PDS5A: variants seen among roughly 807,000 people sequenced by gnomAD.
PDS5A encodes the protein PDS5 cohesin associated factor A.
In PDS5A, 42 loss-of-function variants were observed where a neutral mutation model predicts 167.1. The ratio of observed to expected loss-of-function variants is 0.25; its 90% CI spans 0.20 to 0.33. The LOEUF (loss-of-function observed/expected upper bound fraction) is 0.33. Among genes scored for constraint, PDS5A ranks in the 10% least tolerant of loss-of-function variants. The probability of loss-of-function intolerance (pLI) is 1.00; values close to 1 mark genes in which losing one functional copy is unlikely to be tolerated. For missense variants in PDS5A, 1,033 were observed against 1,605.9 expected, an observed-to-expected ratio of 0.64 and a Z score of 6.10; for synonymous variants, 553 against 554.6, an observed-to-expected ratio of 1.00 and a Z score of 0.04.
intron 9 of PDS5A, among the ~76,000 whole-genome samples, chr4:39,911,558 C>T (rs540400943): frequency 6.6e-6 from 1 of 151,982 alleles, no homozygotes; most frequent in Non-Finnish European, 1.5e-5. Flanking sequence ...GTTGGCCGGG[C>T]GCGGTGGCTC....
chr4:39,836,830 A>G lies in PDS5A; in HGVS notation c.4010+1026T>C, dbSNP rs191266141. On this transcript the variant is annotated intron_variant, in intron 32 of 32. Coordinates refer to ENST00000303538, the MANE Select transcript of PDS5A (RefSeq NM_001100399.2). ...AGTAACTTTTTTTTTTTTTTTTGAG[A>G]CACAGTCTCCTTCTGTCACCCAGGC... is the stretch of plus-strand genomic sequence containing the variant. 3.7e-3 allele frequency among the ~76,000 whole-genome samples: 506 copies of G among 138,286 alleles called. 3 individuals are homozygous for G. The highest frequency in any genetic ancestry group is 0.013 in the African/African-American group (489 of 37,738). 90.7% of individuals were successfully genotyped at this position (138,286 alleles called of 152,430 possible). A position where few individuals can be genotyped will look rare whatever the true frequency, so the allele number is the denominator to read the frequency against.
intron 22 of PDS5A, among the ~76,000 whole-genome samples, chr4:39,868,984 T>A (rs1719782214): frequency 1.3e-5 from 2 of 152,212 alleles, no homozygotes; most frequent in Non-Finnish European, 1.5e-5. Context: ...GGATTTAAGA[T>A]GCCTCTGAGC....
chr4:39,908,863 C>T (rs979644652), intron 10 of PDS5A: 11 of 204,910 alleles, frequency 5.4e-5, no homozygotes, highest in Non-Finnish European at 9.7e-5. Context: ...CCCGTCTCTA[C>T]GAAAATTACC....
At chr4:39,841,269 A>G (rs1387142234) in intron 31 of PDS5A, among the ~76,000 whole-genome samples, 1 of 151,414 alleles carries the variant, frequency 6.6e-6, no homozygotes, top group African/African-American at 2.4e-5. Context: ...CCTCCTGAGT[A>G]GCTGAGATTA....
intron 14 of PDS5A, among the ~76,000 whole-genome samples, chr4:39,899,417 G>C (rs762115862): frequency 7.2e-5 from 11 of 152,270 alleles, no homozygotes; most frequent in East Asian, 3.9e-4. Flanking sequence ...GTTTTTGTTA[G>C]TAGTTTCGAT....
At chr4:39,842,904 T>C (rs1331888724) in intron 30 of PDS5A, among the ~76,000 whole-genome samples, 1 of 69,718 alleles carries the variant, frequency 1.4e-5, no homozygotes, top group East Asian at 4.3e-4. Context: ...AAACTTATCC[T>C]ATTTTTATAT....
In PDS5A at chr4:39,832,621, G is replaced by T. The variant is rs377041456; in HGVS notation, c.4010+5235C>A. 5.3e-5 allele frequency among the ~76,000 whole-genome samples: 8 copies of T among 152,156 alleles called. No homozygotes were observed. In the East Asian group the frequency reaches 1.4e-3, roughly 26 times the overall value. ...GTTTGAGGGCTGGGGCAGGAAGATT[G>T]CTTGGGGGCAGGAAGATTGCTTGAT... On this transcript the variant is annotated intron_variant, in intron 32 of 32. Coordinates refer to ENST00000303538, the MANE Select transcript of PDS5A (RefSeq NM_001100399.2).
chr4:39,874,798 CAGAA>C (rs930931961), intron 19 of PDS5A, among the ~76,000 whole-genome samples: 11 of 152,016 alleles, frequency 7.2e-5, no homozygotes, highest in African/African-American at 2.4e-4. Flanking sequence ...AAAGTAGCTA[CAGAA>C]AGAGAGTAGC....
In PDS5A at chr4:39,838,188, A is replaced by G; in HGVS notation, c.3678T>C (p.Ala1226=). The change falls in exon 32 of 33, where the codon GCT becomes GCC. Residue 1226 remains alanine (A), a synonymous_variant. Transcript: ENST00000303538. ...GGTCACTGCTGATGTTGCCCTGGGT[A>G]GCCTGATCAGAATTAATTTCCTAAA... ...VKNKEINSDQ[A]TQGNISSDRG... The G allele has an allele frequency of 6.3e-7, 1 of 1,581,466 alleles. No individual in the cohort carries two copies. The highest frequency in any genetic ancestry group is 2.2e-5 in the East Asian group (1 of 44,638).
At chr4:39,833,229 AAG>A (rs1035675080) in intron 32 of PDS5A, among the ~76,000 whole-genome samples, 7 of 144,658 alleles carry the variant, frequency 4.8e-5, no homozygotes, top group Non-Finnish European at 1.1e-4. Flanking sequence ...AAAAAGTTTG[AAG>A]AGAGTCCCTA....
At chr4:39,830,732 A>G (rs554583198) in intron 32 of PDS5A, among the ~76,000 whole-genome samples, 1 of 152,040 alleles carries the variant, frequency 6.6e-6, no homozygotes, top group South Asian at 2.1e-4. Flanking sequence ...GCCCATTTGA[A>G]CTAATTTTCA....
chr4:39,832,489 G>A (rs965886138), intron 32 of PDS5A, among the ~76,000 whole-genome samples: 1 of 151,964 alleles, frequency 6.6e-6, no homozygotes, highest in Non-Finnish European at 1.5e-5. Context: ...TTATAGGCAT[G>A]AGCCACCGTT....
chr4:39,909,909 AT>A, intron 10 of PDS5A, among the ~76,000 whole-genome samples: 2 of 152,294 alleles, frequency 1.3e-5, no homozygotes, highest in East Asian at 3.9e-4. Flanking sequence ...ACTTCCTTAA[AT>A]TATGATTTTC....
intron 3 of PDS5A, among the ~76,000 whole-genome samples, chr4:39,927,397 AGT>A (rs942958045): frequency 1.3e-5 from 2 of 152,210 alleles, no homozygotes; most frequent in Non-Finnish European, 2.9e-5. Flanking sequence ...AACTCACAGT[AGT>A]ATCAATATAA....
rs1720278246 is a variant in PDS5A, at chr4:39,874,152, C to T, written c.2277+137G>A. 10 of 628,376 alleles carry T rather than the reference C, an allele frequency of 1.6e-5. No homozygotes were observed. In the South Asian group the frequency reaches 2.1e-4, roughly 13 times the overall value. The allele number at this position is 628,376 out of a possible 1,614,324, so 38.9% of individuals were successfully genotyped here. On this transcript the variant is annotated intron_variant, in intron 20 of 32. Transcript: ENST00000303538. ...CAGTACCACATAAAATAGACAGAAT[C>T]CTTGCTCACAAGGAATTTATAGTCT... is the stretch of plus-strand genomic sequence containing the variant.
intron 24 of PDS5A, 125 bp from the exon 25 acceptor site, chr4:39,863,198 T>C (rs1719143897): frequency 2.1e-6 from 2 of 936,284 alleles, no homozygotes; most frequent in South Asian, 1.7e-5. Flanking sequence ...AATGTAATAA[T>C]TGGAAGACAG....
chr4:39,862,678 C>T (rs1304315033), intron 25 of PDS5A, among the ~76,000 whole-genome samples, 191 bp downstream of exon 25: 1 of 151,996 alleles, frequency 6.6e-6, no homozygotes, highest in African/African-American at 2.4e-5. Flanking sequence ...TGCAGTTTGC[C>T]AGAGTTAATG....
intron 19 of PDS5A, among the ~76,000 whole-genome samples, chr4:39,874,918 A>G (rs1292725846): frequency 2.6e-5 from 4 of 152,196 alleles, no homozygotes; most frequent in African/African-American, 9.6e-5. Flanking sequence ...ATATCTAACT[A>G]TTATGTGCCA....
rs1715054296 is a variant in PDS5A at position 39,823,892 on chromosome 4, T to C, written c.*1593A>G. 1 of 152,496 alleles carries C rather than the reference T, an allele frequency of 6.6e-6. No homozygotes were observed. Among genetic ancestry groups the C allele is most frequent in the South Asian group, 2.1e-4 (1 of 4,836 alleles). 9.4% of individuals were successfully genotyped at this position (152,496 alleles called of 1,614,324 possible). A position where few individuals can be genotyped will look rare whatever the true frequency, so the allele number is the denominator to read the frequency against. On this transcript the variant is annotated 3_prime_UTR_variant, in exon 33 of 33. Transcript: ENST00000303538. ...TTATCTATGAGAAACGTAAGTGACA[T>C]TTACTCTCAAACTTCACTCTAACAG...
Sources: gnomAD v4.1 joint callset for allele counts (sites outside exome capture counted in the v4.1 genomes callset) on GRCh38, gnomAD v4.1.1 for gene constraint, MANE v1.5 for transcripts, NCBI Gene and HGNC (gene_info 2026-07-23, HGNC 2026-07-21) for gene names.